The following PAK5 variants were observed in gnomAD, a reference collection of about 807,000 sequenced individuals.
PAK5 encodes the protein p21 (RAC1) activated kinase 5.
Under a neutral mutation model 65.9 loss-of-function variants are expected in PAK5, and 16 were observed. The observed-to-expected ratio is 0.24, with a 90% confidence interval of 0.16 to 0.37. PAK5 has a LOEUF of 0.37. Ranked by LOEUF, PAK5 falls within the 10% of genes least tolerant of loss-of-function variation. PAK5 has a pLI of 1.00. For missense variants in PAK5, 785 were observed against 903.9 expected (o/e 0.87, Z 1.69); for synonymous variants, 371 against 354.9 (o/e 1.05, Z -0.51).
chr20:9,699,240 G>A (rs946449490), intron 2 of PAK5, among the ~76,000 whole-genome samples: 5 of 152,136 alleles, frequency 3.3e-5, no homozygotes, highest in Admixed American at 2.0e-4. Flanking sequence ...AGGGCTCAGT[G>A]AATGTTTCCC....
At chr20:9,649,582 C>T (rs1211374096) in intron 2 of PAK5, among the ~76,000 whole-genome samples, 1 of 152,232 alleles carries the variant, frequency 6.6e-6, no homozygotes, top group South Asian at 2.1e-4. Flanking sequence ...GGTTGCCCTG[C>T]CTTAAGCATA....
rs183723422 is a variant in PAK5 at position 9,824,089 on chromosome 20, A to G, written c.-162+14673T>C. Reference sequence around the variant, plus strand: ...TGTTCAAAGAACTTGATTACTGCTCAATCATTGTTTTAACTCTGAGGCACA... The same window carrying G: ...TGTTCAAAGAACTTGATTACTGCTCGATCATTGTTTTAACTCTGAGGCACA... On this transcript the variant is annotated intron_variant, in intron 1 of 9. Transcript: ENST00000353224. 1.8e-3 allele frequency among the ~76,000 whole-genome samples: 279 copies of G among 152,344 alleles called. 1 individual carries two copies. The highest frequency in any genetic ancestry group is 6.0e-3 in the South Asian group (29 of 4,832).
chr20:9,668,755 T>C (rs1193082360), intron 2 of PAK5, among the ~76,000 whole-genome samples: 2 of 152,218 alleles, frequency 1.3e-5, no homozygotes, highest in South Asian at 2.1e-4. Context: ...CATCATCACC[T>C]CTGTTCTACT....
intron 3 of PAK5, among the ~76,000 whole-genome samples, chr20:9,602,325 A>C (rs975483516): frequency 8.6e-5 from 13 of 151,300 alleles, no homozygotes; most frequent in Non-Finnish European, 1.9e-4. Flanking sequence ...TAAATAAATA[A>C]ATAAATAAAT....
intron 3 of PAK5, among the ~76,000 whole-genome samples, chr20:9,587,732 G>C (rs965375457): frequency 3.3e-5 from 5 of 152,076 alleles, no homozygotes; most frequent in African/African-American, 1.2e-4. Context: ...GAGGATGATG[G>C]TCGGAGGGTT....
chr20:9,584,086 G>C (rs1444084266), intron 3 of PAK5, among the ~76,000 whole-genome samples: 1 of 152,098 alleles, frequency 6.6e-6, no homozygotes, highest in Non-Finnish European at 1.5e-5. Context: ...CTTAGAGAAA[G>C]AAAGAATCAT....
At chr20:9,717,167 T>TTGA (rs2048157998) in intron 1 of PAK5, among the ~76,000 whole-genome samples, 1 of 152,092 alleles carries the variant, frequency 6.6e-6, no homozygotes, top group Non-Finnish European at 1.5e-5. Context: ...TCTGAACATG[T>TTGA]TGATAATGCA....
At chr20:9,695,477 A>G (rs1264556239) in intron 2 of PAK5, among the ~76,000 whole-genome samples, 1 of 152,066 alleles carries the variant, frequency 6.6e-6, no homozygotes, top group Non-Finnish European at 1.5e-5. Context: ...TTTACGATCT[A>G]TCTGAAATCG....
chr20:9,736,625 G>T (rs543260253), intron 1 of PAK5, among the ~76,000 whole-genome samples: 1 of 152,176 alleles, frequency 6.6e-6, no homozygotes, highest in Non-Finnish European at 1.5e-5. Context: ...TATCATGAAG[G>T]TTTCAAGATC....
At chr20:9,787,522 TGGGA>T (rs1479780610) in intron 1 of PAK5, among the ~76,000 whole-genome samples, 1 of 152,130 alleles carries the variant, frequency 6.6e-6, no homozygotes, top group Non-Finnish European at 1.5e-5. Flanking sequence ...AGCTAAAGCA[TGGGA>T]GTGGTCTCTT....
intron 1 of PAK5, among the ~76,000 whole-genome samples, chr20:9,745,705 A>T (rs971656679): frequency 1.3e-5 from 2 of 152,140 alleles, no homozygotes; most frequent in African/African-American, 4.8e-5. Flanking sequence ...AAAAATCTGC[A>T]TTTTAACATG....
chr20:9,561,053 A>C (rs952901164), intron 6 of PAK5, among the ~76,000 whole-genome samples: 1 of 152,212 alleles, frequency 6.6e-6, no homozygotes. Flanking sequence ...GCAGTTATTC[A>C]ATATCTATTA....
At chr20:9,622,774 C>T (rs2046788968) in intron 3 of PAK5, among the ~76,000 whole-genome samples, 1 of 152,170 alleles carries the variant, frequency 6.6e-6, no homozygotes, top group African/African-American at 2.4e-5. Flanking sequence ...GGAACACTTC[C>T]ATCCTGAAAC....
At chr20:9,575,347 G>C (rs1479720238) in intron 4 of PAK5, among the ~76,000 whole-genome samples, 1 of 152,094 alleles carries the variant, frequency 6.6e-6, no homozygotes, top group African/African-American at 2.4e-5. Context: ...GTGCCACCAT[G>C]CCCAGTTCAA....
intron 1 of PAK5, among the ~76,000 whole-genome samples, chr20:9,798,083 G>A (rs1246230523): frequency 6.6e-6 from 1 of 152,100 alleles, no homozygotes; most frequent in Non-Finnish European, 1.5e-5. Flanking sequence ...AGACTGAGGG[G>A]TTGGGAGTCC....
intron 2 of PAK5, among the ~76,000 whole-genome samples, chr20:9,708,177 A>G (rs2048032163): frequency 6.6e-6 from 1 of 152,142 alleles, no homozygotes; most frequent in Non-Finnish European, 1.5e-5. Flanking sequence ...GTGTCAGAAA[A>G]ATGTCAATGA....
At chr20:9,554,743 A>G (rs1459409700) in intron 7 of PAK5, among the ~76,000 whole-genome samples, 5 of 152,210 alleles carry the variant, frequency 3.3e-5, no homozygotes, top group Admixed American at 2.0e-4. Flanking sequence ...TCCTTTTCCT[A>G]CAGATACTGG....
intron 1 of PAK5, among the ~76,000 whole-genome samples, chr20:9,770,412 A>G (rs1277537071): frequency 1.3e-5 from 2 of 152,204 alleles, no homozygotes; most frequent in Non-Finnish European, 2.9e-5. Flanking sequence ...CTAAAAGAAC[A>G]GGAGAGTAAA....
intron 2 of PAK5, among the ~76,000 whole-genome samples, chr20:9,652,777 T>A (rs1042430442): frequency 6.6e-6 from 1 of 152,216 alleles, no homozygotes; most frequent in African/African-American, 2.4e-5. Context: ...GATTCTGGCT[T>A]CTAATTTCTA....
Sources: gnomAD v4.1 joint callset for allele counts (sites outside exome capture counted in the v4.1 genomes callset) on GRCh38, gnomAD v4.1.1 for gene constraint, MANE v1.5 for transcripts, NCBI Gene and HGNC (gene_info 2026-07-23, HGNC 2026-07-21) for gene names.